Variants in LINGO2 observed in about 807,000 individuals in gnomAD.
LINGO2 encodes the protein leucine-rich repeat and immunoglobulin-like domain-containing nogo receptor-interacting protein 2.
Under a neutral mutation model 30.6 loss-of-function variants are expected in LINGO2, and 14 were observed. That is an observed-to-expected ratio of 0.46 (90% CI 0.30 to 0.72). The LOEUF (loss-of-function observed/expected upper bound fraction) is 0.72, where lower values mean the gene tolerates loss of function less well. Among genes scored for constraint, LINGO2 ranks in the 30% least tolerant of loss-of-function variants. The probability of loss-of-function intolerance (pLI) is 0.07; values close to 1 mark genes in which losing one functional copy is unlikely to be tolerated. For synonymous variants in LINGO2, 317 were observed against 288.5 expected (o/e 1.10, Z -1.00); for missense variants, 729 against 751.7 (o/e 0.97, Z 0.35).
At chr9:28,653,317 G>A (rs1293005946) in intron 1 of LINGO2, among the ~76,000 whole-genome samples, 1 of 151,844 alleles carries the variant, frequency 6.6e-6, no homozygotes, top group Non-Finnish European at 1.5e-5. Context: ...CAGTCACCTT[G>A]GCAAAAAAAG....
the LINGO2 span, among the ~76,000 whole-genome samples, chr9:28,854,460 G>A: frequency 6.6e-6 from 1 of 151,856 alleles, no homozygotes; most frequent in African/African-American, 2.4e-5. Flanking sequence ...CTTTGTGATA[G>A]GGCTATTTGT....
intron 1 of LINGO2, among the ~76,000 whole-genome samples, chr9:28,655,803 A>T (rs557061391): frequency 1.3e-5 from 2 of 152,130 alleles, no homozygotes; most frequent in South Asian, 4.1e-4. Context: ...TTCCTCCATG[A>T]TTGTAAGTTT....
chr9:28,000,348 A>T (rs1821885581), intron 5 of LINGO2, among the ~76,000 whole-genome samples: 1 of 152,130 alleles, frequency 6.6e-6, no homozygotes, highest in Non-Finnish European at 1.5e-5. Context: ...ACAGAGCCAC[A>T]GAGTGGTATT....
the LINGO2 span, among the ~76,000 whole-genome samples, chr9:28,995,288 A>AT: frequency 6.6e-6 from 1 of 152,250 alleles, no homozygotes; most frequent in African/African-American, 2.4e-5. Context: ...ATCACTGGCC[A>AT]TCAGAGAAAT....
At chr9:28,479,032 CTTATG>C (rs1039265831) in intron 1 of LINGO2, among the ~76,000 whole-genome samples, 1 of 151,774 alleles carries the variant, frequency 6.6e-6, no homozygotes, top group Non-Finnish European at 1.5e-5. Context: ...CTTTTATGTA[CTTATG>C]TTATTTCATT....
intron 3 of LINGO2, among the ~76,000 whole-genome samples, chr9:28,343,439 C>T (rs1028046434): frequency 1.3e-5 from 2 of 152,094 alleles, no homozygotes; most frequent in Non-Finnish European, 2.9e-5. Flanking sequence ...TATAAAAATA[C>T]TGAAAAGAAG....
chr9:28,742,479 G>A, the LINGO2 span, among the ~76,000 whole-genome samples: 3 of 151,362 alleles, frequency 2.0e-5, no homozygotes, highest in South Asian at 2.1e-4. Context: ...CAGTGGTTGC[G>A]ATTGGGCTTT....
chr9:28,213,890 A>G (rs1368041469), intron 4 of LINGO2, among the ~76,000 whole-genome samples: 2 of 151,542 alleles, frequency 1.3e-5, no homozygotes, highest in African/African-American at 4.8e-5. Context: ...CATTATTTGC[A>G]ATTAAAGTAC....
chr9:28,234,328 C>A (rs1821479632), intron 4 of LINGO2, among the ~76,000 whole-genome samples: 1 of 152,016 alleles, frequency 6.6e-6, no homozygotes, highest in African/African-American at 2.4e-5. Context: ...GTGATGGTAG[C>A]CACAAGCAGA....
the LINGO2 span, chr9:27,939,016 TAAAAG>T: frequency 5.9e-5 from 9 of 152,174 alleles, no homozygotes; most frequent in Non-Finnish European, 1.3e-4. Context: ...TGGCAATATT[TAAAAG>T]ATATAAATAG....
At chr9:28,987,373 G>C in the LINGO2 span, among the ~76,000 whole-genome samples, 1 of 151,690 alleles carries the variant, frequency 6.6e-6, no homozygotes, top group Non-Finnish European at 1.5e-5. Context: ...TTGTATTTCT[G>C]TGCTATCAAC....
At chr9:28,030,367 A>C (rs1413211342) in intron 4 of LINGO2, among the ~76,000 whole-genome samples, 1 of 152,188 alleles carries the variant, frequency 6.6e-6, no homozygotes, top group Non-Finnish European at 1.5e-5. Context: ...AGTTGTGTTG[A>C]CTAACAAGTC....
rs182196495 is a variant in LINGO2, at chr9:28,566,308, C to G, written c.-364-90283G>C. Among the ~76,000 whole-genome samples, 74 of 152,250 alleles carry G rather than the reference C, an allele frequency of 4.9e-4. 1 individual carries two copies. The highest frequency in any genetic ancestry group is 3.3e-3 in the East Asian group (17 of 5,176). ...TTCAATATTTTGTCAATGAATATAG[C>G]TACACCTATGCTTATTAAACAAGTC... On this transcript the variant is annotated intron_variant, in intron 1 of 5. Coordinates refer to ENST00000379992, the Ensembl canonical transcript of LINGO2.
At chr9:29,140,651 A>C in the LINGO2 span, among the ~76,000 whole-genome samples, 1 of 151,998 alleles carries the variant, frequency 6.6e-6, no homozygotes. Context: ...GGGGAAGGAA[A>C]CAGACATCAG....
chr9:28,740,107 T>C, the LINGO2 span, among the ~76,000 whole-genome samples: 1 of 150,780 alleles, frequency 6.6e-6, no homozygotes, highest in Non-Finnish European at 1.5e-5. Context: ...AAAATATGTG[T>C]TGCGTGATCT....
chr9:27,974,458 G>A (rs1399602447), intron 5 of LINGO2, among the ~76,000 whole-genome samples: 2 of 152,068 alleles, frequency 1.3e-5, no homozygotes, highest in East Asian at 3.9e-4. Flanking sequence ...ACAGCGCAGA[G>A]TCACCTTCCT....
the LINGO2 span, among the ~76,000 whole-genome samples, chr9:28,697,054 T>C: frequency 6.6e-5 from 10 of 151,956 alleles, no homozygotes; most frequent in Non-Finnish European, 1.2e-4. Context: ...TCTTCTGGCA[T>C]GTAGAAGTGG....
chr9:27,977,873 T>C (rs1820677785), intron 5 of LINGO2, among the ~76,000 whole-genome samples: 1 of 151,660 alleles, frequency 6.6e-6, no homozygotes, highest in Admixed American at 6.6e-5. Context: ...AGGAAAGAAA[T>C]AGATCTCATA....
At chr9:28,635,958 A>C (rs1479130957) in intron 1 of LINGO2, among the ~76,000 whole-genome samples, 1 of 152,032 alleles carries the variant, frequency 6.6e-6, no homozygotes, top group African/African-American at 2.4e-5. Flanking sequence ...ATATCTCCTA[A>C]TGCTATCCCT....
Sources: gnomAD v4.1 joint callset for allele counts (sites outside exome capture counted in the v4.1 genomes callset) on GRCh38, gnomAD v4.1.1 for gene constraint, MANE v1.5 for transcripts, NCBI Gene and HGNC (gene_info 2026-07-23, HGNC 2026-07-21) for gene names.